The following SHROOM3 variants were observed in gnomAD, a reference collection of about 807,000 sequenced individuals.
SHROOM3 encodes the protein protein Shroom3.
SHROOM3 carries 47 observed loss-of-function variants against 138.6 expected under a neutral mutation model. That is an observed-to-expected ratio of 0.34 (90% confidence interval 0.27 to 0.43). The LOEUF (loss-of-function observed/expected upper bound fraction) is 0.43. Ranked by LOEUF, SHROOM3 falls within the 20% of genes least tolerant of loss-of-function variation. The probability of loss-of-function intolerance (pLI) is 1.00; values close to 1 mark genes in which losing one functional copy is unlikely to be tolerated. For synonymous variants in SHROOM3, 1,062 were observed against 1,063.3 expected, an observed-to-expected ratio of 1.00 and a Z score of 0.02; for missense variants, 2,491 against 2,596.5, an observed-to-expected ratio of 0.96 and a Z score of 0.88.
At chr4:76,469,616 C>T (rs1731325253) in intron 1 of SHROOM3, among the ~76,000 whole-genome samples, 1 of 152,126 alleles carries the variant, frequency 6.6e-6, no homozygotes, top group African/African-American at 2.4e-5. Flanking sequence ...GCTGCCACAC[C>T]CAGCTAATTT....
chr4:76,606,245 C>T (rs72661437), intron 2 of SHROOM3, among the ~76,000 whole-genome samples: 12,593 of 149,926 alleles, frequency 0.084, 585 homozygotes, highest in East Asian at 0.14. Context: ...ATCTCTTGAC[C>T]TTGTGATCTG....
chr4:76,463,033 A>G (rs185549816), intron 1 of SHROOM3, among the ~76,000 whole-genome samples: 5 of 152,346 alleles, frequency 3.3e-5, no homozygotes, highest in African/African-American at 1.2e-4. Flanking sequence ...GAACTTGGTA[A>G]TGGGCATAGG....
chr4:76,659,586 A>G (rs1420856581), intron 2 of SHROOM3, among the ~76,000 whole-genome samples: 1 of 152,004 alleles, frequency 6.6e-6, no homozygotes, highest in Non-Finnish European at 1.5e-5. Context: ...AGAAGCATTT[A>G]TTTATTTATT....
chr4:76,566,694 A>C (rs1733731830), intron 2 of SHROOM3, among the ~76,000 whole-genome samples: 1 of 152,252 alleles, frequency 6.6e-6, no homozygotes, highest in Non-Finnish European at 1.5e-5. Flanking sequence ...TGGGTTACTG[A>C]GAGCAGTAGT....
chr4:76,613,455 A>G (rs1734804897), intron 2 of SHROOM3, among the ~76,000 whole-genome samples: 1 of 152,244 alleles, frequency 6.6e-6, no homozygotes. Context: ...TTAGTGTTTT[A>G]GCAGAGTTGA....
At chr4:76,731,037 C>T (rs1720865556) in intron 4 of SHROOM3, 102 bp downstream of exon 4, 37 of 1,470,694 alleles carry the variant, frequency 2.5e-5, no homozygotes, top group Non-Finnish European at 3.5e-5. Context: ...TTTTCTTATA[C>T]TCACACTAAA....
At chr4:76,436,291 C>T in intron 1 of SHROOM3, 71 bp downstream of exon 1, 1 of 1,545,936 alleles carries the variant, frequency 6.5e-7, no homozygotes, top group Non-Finnish European at 8.9e-7. Context: ...GTCAAAAATG[C>T]AAAATAATGA....
intron 2 of SHROOM3, among the ~76,000 whole-genome samples, chr4:76,655,913 G>C (rs1208407666): frequency 6.6e-6 from 1 of 152,160 alleles, no homozygotes; most frequent in African/African-American, 2.4e-5. Context: ...CAGTTACATA[G>C]CTGCTTACAT....
intron 10 of SHROOM3, among the ~76,000 whole-genome samples, chr4:76,773,186 C>T (rs938142924): frequency 6.6e-6 from 1 of 151,920 alleles, no homozygotes; most frequent in Admixed American, 6.6e-5. Flanking sequence ...ACCAGCCTGG[C>T]CAACATGGCA....
intron 2 of SHROOM3, among the ~76,000 whole-genome samples, chr4:76,706,709 C>A (rs1292838811): frequency 6.6e-6 from 1 of 152,176 alleles, no homozygotes; most frequent in Non-Finnish European, 1.5e-5. Flanking sequence ...ATTCATTCAA[C>A]AAATATTTAT....
chr4:76,628,198 A>G (rs553520805), intron 2 of SHROOM3, among the ~76,000 whole-genome samples: 5 of 152,362 alleles, frequency 3.3e-5, no homozygotes, highest in African/African-American at 1.2e-4. Context: ...TGATGTTAGG[A>G]AAGTAGTCCA....
At chr4:76,501,880 G>A (rs933248029) in intron 1 of SHROOM3, among the ~76,000 whole-genome samples, 1 of 152,110 alleles carries the variant, frequency 6.6e-6, no homozygotes, top group Admixed American at 6.5e-5. Flanking sequence ...CCAGTCATCT[G>A]TATCCTTTAT....
intron 1 of SHROOM3, among the ~76,000 whole-genome samples, chr4:76,553,484 C>G (rs992453074): frequency 1.3e-5 from 2 of 152,024 alleles, no homozygotes; most frequent in Admixed American, 6.6e-5. Context: ...CCATGTTGGC[C>G]AGGCTGGTCT....
intron 1 of SHROOM3, among the ~76,000 whole-genome samples, chr4:76,541,615 A>G (rs1305264319): frequency 7.2e-6 from 1 of 138,332 alleles, no homozygotes; most frequent in Admixed American, 7.2e-5. Flanking sequence ...CGGGATTCAC[A>G]TATGTGGGCG....
intron 1 of SHROOM3, among the ~76,000 whole-genome samples, chr4:76,531,527 C>T (rs1372594329): frequency 6.6e-6 from 1 of 152,118 alleles, no homozygotes; most frequent in Non-Finnish European, 1.5e-5. Context: ...TGAGGAGGTA[C>T]TTGCTGTGAT....
At chr4:76,573,248 A>G (rs1733866720) in intron 2 of SHROOM3, among the ~76,000 whole-genome samples, 2 of 151,798 alleles carry the variant, frequency 1.3e-5, no homozygotes, top group Middle Eastern at 3.4e-3. Context: ...TGAATTTCTG[A>G]TAATCATTGA....
At chr4:76,730,679 ACTTGG>A in intron 3 of SHROOM3, 120 bp from the exon 4 acceptor site, 2 of 1,212,790 alleles carry the variant, frequency 1.6e-6, no homozygotes, top group South Asian at 1.3e-5. Context: ...CTCAGTATTG[ACTTGG>A]TTGCTTTTCA....
chr4:76,444,174 C>T (rs1560508019), intron 1 of SHROOM3, among the ~76,000 whole-genome samples: 3 of 152,086 alleles, frequency 2.0e-5, no homozygotes, highest in Non-Finnish European at 4.4e-5. Flanking sequence ...CTCAACCTCC[C>T]TAAGTGCTGA....
intron 1 of SHROOM3, among the ~76,000 whole-genome samples, chr4:76,485,115 G>T (rs1247306361): frequency 2.0e-5 from 3 of 152,160 alleles, no homozygotes; most frequent in Non-Finnish European, 2.9e-5. Context: ...ATTATCTCAA[G>T]ATTCAGAAGC....
Sources: allele counts gnomAD v4.1 joint callset (sites outside exome capture counted in the v4.1 genomes callset), GRCh38; gene constraint gnomAD v4.1.1; transcripts MANE v1.5; gene names NCBI Gene and HGNC (gene_info 2026-07-23, HGNC 2026-07-21).